The following OXSR1 variants were observed in gnomAD, a reference collection of about 807,000 sequenced individuals.
The protein encoded by OXSR1 is oxidative stress responsive kinase 1.
A neutral mutation model predicts 79.8 loss-of-function variants in OXSR1; 24 were observed. That is an observed-to-expected ratio of 0.30 (90% CI 0.22 to 0.42). OXSR1 has a LOEUF of 0.42. Ranked by LOEUF, OXSR1 falls within the 10% of genes least tolerant of loss-of-function variation. OXSR1 has a pLI of 1.00. For synonymous variants in OXSR1, 226 were observed against 209.2 expected (o/e 1.08, Z -0.69); for missense variants, 430 against 618.4 (o/e 0.70, Z 3.23).
chr3:38,224,559 A>G lies in OXSR1; in HGVS notation c.703-12A>G. 1 of 1,575,128 alleles carries G rather than the reference A, an allele frequency of 6.3e-7. No homozygotes were observed. On this transcript the variant is annotated splice_polypyrimidine_tract_variant and intron_variant, in intron 7 of 17. Transcript: ENST00000311806. ...TCATCACAAGTTTATAGTATATTGA[A>G]AATTCTTGCAGGTTTTAATGCTGAC...
intron 14 of OXSR1, among the ~76,000 whole-genome samples, chr3:38,249,738 A>G (rs933561345): frequency 2.0e-5 from 3 of 152,172 alleles, no homozygotes; most frequent in Non-Finnish European, 2.9e-5. Context: ...TGAAATTTTT[A>G]TATTGATCAG....
At chr3:38,232,436 A>G (rs1318122199) in intron 10 of OXSR1, among the ~76,000 whole-genome samples, 1 of 151,490 alleles carries the variant, frequency 6.6e-6, no homozygotes. Context: ...CCTGCCAAAA[A>G]TTACCTACTA....
intron 3 of OXSR1, among the ~76,000 whole-genome samples, chr3:38,198,259 T>A (rs1702101686): frequency 6.6e-6 from 1 of 152,230 alleles, no homozygotes; most frequent in Non-Finnish European, 1.5e-5. Flanking sequence ...AGTCCTAAGT[T>A]AGTTTGTGTA....
At chr3:38,242,420 G>T (rs2125850966) in intron 11 of OXSR1, among the ~76,000 whole-genome samples, 1 of 152,282 alleles carries the variant, frequency 6.6e-6, no homozygotes, top group East Asian at 1.9e-4. Flanking sequence ...TACATAATAT[G>T]TTCACGATTA....
At chr3:38,246,819 A>G (rs1045539595) in intron 13 of OXSR1, among the ~76,000 whole-genome samples, 5 of 152,202 alleles carry the variant, frequency 3.3e-5, no homozygotes, top group Admixed American at 2.0e-4. Flanking sequence ...TCTCCCTTCA[A>G]TAAACCTCAG....
chr3:38,233,291 A>C (rs952768135), intron 10 of OXSR1, among the ~76,000 whole-genome samples: 55 of 152,354 alleles, frequency 3.6e-4, no homozygotes, highest in African/African-American at 1.3e-3. Context: ...TTATTACCCC[A>C]TAGACAAGAC....
chr3:38,206,589 T>C (rs2125825408), intron 4 of OXSR1, among the ~76,000 whole-genome samples: 1 of 151,980 alleles, frequency 6.6e-6, no homozygotes, highest in African/African-American at 2.4e-5. Flanking sequence ...AAACTCTAGA[T>C]ATGTAAAGGT....
chr3:38,195,868 C>T (rs1333411503), intron 3 of OXSR1, among the ~76,000 whole-genome samples: 2 of 152,210 alleles, frequency 1.3e-5, no homozygotes, highest in Non-Finnish European at 2.9e-5. Flanking sequence ...AGATGATCTA[C>T]ATTTAAACTT....
At chr3:38,252,278 G>A in intron 16 of OXSR1, 50 bp from the exon 17 acceptor site, 1 of 1,247,686 alleles carries the variant, frequency 8.0e-7, no homozygotes, top group Non-Finnish European at 1.2e-6. Flanking sequence ...GGTTGAAAGT[G>A]GATTTATGTA....
intron 4 of OXSR1, among the ~76,000 whole-genome samples, chr3:38,199,479 A>G (rs551023680): frequency 6.6e-6 from 1 of 152,122 alleles, no homozygotes; most frequent in African/African-American, 2.4e-5. Flanking sequence ...TCTTCCTGCC[A>G]TGGCCTTCTA....
intron 12 of OXSR1, among the ~76,000 whole-genome samples, chr3:38,243,006 ATTTATTTATTTAT>A (rs1318018972): frequency 7.7e-6 from 1 of 129,368 alleles, no homozygotes; most frequent in African/African-American, 3.0e-5. Flanking sequence ...GTGAAAAGTT[ATTTATTTATTTAT>A]TTATTTATTT....
At chr3:38,193,241 T>A in intron 3 of OXSR1, 2 of 1,286,526 alleles carry the variant, frequency 1.6e-6, no homozygotes, top group Non-Finnish European at 2.0e-6. Flanking sequence ...TTGATGCTTT[T>A]CAGTGTAGCC....
chr3:38,167,509 G>T (rs1701491044), intron 1 of OXSR1, among the ~76,000 whole-genome samples: 1 of 152,198 alleles, frequency 6.6e-6, no homozygotes, highest in Admixed American at 6.5e-5. Context: ...CTGCCTTGGG[G>T]GTGTCAGTGT....
At chr3:38,212,275 CG>C (rs1301076460) in intron 4 of OXSR1, among the ~76,000 whole-genome samples, 7 of 152,284 alleles carry the variant, frequency 4.6e-5, no homozygotes, top group African/African-American at 1.7e-4. Flanking sequence ...TGCTACTTCT[CG>C]TATCTTCAAA....
At chr3:38,214,370 A>G (rs1490580104) in intron 4 of OXSR1, among the ~76,000 whole-genome samples, 1 of 152,188 alleles carries the variant, frequency 6.6e-6, no homozygotes, top group Non-Finnish European at 1.5e-5. Flanking sequence ...ATACAGGCCC[A>G]GATCTAGCTC....
At chr3:38,237,611 T>C (rs933610781) in intron 11 of OXSR1, among the ~76,000 whole-genome samples, 1 of 152,192 alleles carries the variant, frequency 6.6e-6, no homozygotes, top group African/African-American at 2.4e-5. Flanking sequence ...TTTTAGGATC[T>C]GCTTTGGTGA....
intron 4 of OXSR1, among the ~76,000 whole-genome samples, chr3:38,200,257 G>GAC (rs1264200706): frequency 6.6e-6 from 1 of 152,196 alleles, no homozygotes; most frequent in Non-Finnish European, 1.5e-5. Flanking sequence ...GAGAGAGAGA[G>GAC]AGAGCAGGCT....
At chr3:38,246,022 C>T in intron 12 of OXSR1, 53 bp from the exon 13 acceptor site, 1 of 1,566,476 alleles carries the variant, frequency 6.4e-7, no homozygotes, top group East Asian at 2.2e-5. Flanking sequence ...TGTCAGCAGA[C>T]CTGCCTCCCT....
intron 14 of OXSR1, among the ~76,000 whole-genome samples, chr3:38,249,140 TA>T (rs1410491665): frequency 6.6e-6 from 1 of 152,210 alleles, no homozygotes; most frequent in Non-Finnish European, 1.5e-5. Context: ...TCCTCAAGTA[TA>T]TTATTCATCA....
Sources: allele counts gnomAD v4.1 joint callset (sites outside exome capture counted in the v4.1 genomes callset), GRCh38; gene constraint gnomAD v4.1.1; transcripts MANE v1.5; gene names NCBI Gene and HGNC (gene_info 2026-07-23, HGNC 2026-07-21).